Variants in GRM7 observed in about 807,000 individuals in gnomAD.
The protein encoded by GRM7 is glutamate metabotropic receptor 7, also known as metabotropic glutamate receptor 7.
GRM7 carries 35 observed loss-of-function variants against 84.5 expected under a neutral mutation model. That is an observed-to-expected ratio of 0.41 (90% CI 0.32 to 0.55). The LOEUF (loss-of-function observed/expected upper bound fraction) is 0.55. Ranked by LOEUF, GRM7 falls within the 20% of genes least tolerant of loss-of-function variation. GRM7 has a pLI of 0.19. For synonymous variants in GRM7, 487 were observed against 455.1 expected (o/e 1.07, Z -0.89); for missense variants, 1,003 against 1,194.6 (o/e 0.84, Z 2.36).
chr3:7,136,971 T>G (rs1009215072), intron 1 of GRM7, among the ~76,000 whole-genome samples: 1 of 152,140 alleles, frequency 6.6e-6, no homozygotes, highest in Admixed American at 6.6e-5. Flanking sequence ...TTCCTCTAAA[T>G]TCACTGTGCT....
chr3:7,547,225 G>A (rs1389329510), intron 7 of GRM7, among the ~76,000 whole-genome samples: 2 of 32,252 alleles, frequency 6.2e-5, no homozygotes, highest in Admixed American at 3.5e-4. Flanking sequence ...TTTTTTTTTT[G>A]AGACGGAGTC....
At chr3:7,106,516 AATGAATGGGATGCCT>A (rs1692647053) in intron 1 of GRM7, among the ~76,000 whole-genome samples, 1 of 152,006 alleles carries the variant, frequency 6.6e-6, no homozygotes, top group South Asian at 2.1e-4. Context: ...AACAGCTTCA[AATGAATGGGATGCCT>A]ATGCACTTCC....
At chr3:7,592,806 T>C (rs1695858850) in intron 8 of GRM7, among the ~76,000 whole-genome samples, 1 of 152,218 alleles carries the variant, frequency 6.6e-6, no homozygotes, top group Non-Finnish European at 1.5e-5. Flanking sequence ...CCGAGAAACC[T>C]TCACTTTCCT....
intron 5 of GRM7, among the ~76,000 whole-genome samples, chr3:7,440,112 A>G (rs1443424632): frequency 1.3e-5 from 2 of 152,212 alleles, no homozygotes; most frequent in Non-Finnish European, 2.9e-5. Flanking sequence ...CTTAGCAGAT[A>G]CAGGATCAGA....
chr3:7,655,861 C>G (rs1699157589), intron 8 of GRM7, among the ~76,000 whole-genome samples: 1 of 152,050 alleles, frequency 6.6e-6, no homozygotes, highest in Admixed American at 6.6e-5. Flanking sequence ...GTGGAAAAAC[C>G]CAAAATAAAT....
intron 8 of GRM7, among the ~76,000 whole-genome samples, chr3:7,665,371 T>C (rs568090463): frequency 6.6e-6 from 1 of 152,022 alleles, no homozygotes; most frequent in South Asian, 2.1e-4. Flanking sequence ...GAGACGGGGT[T>C]TCACCGTGTT....
intron 9 of GRM7, among the ~76,000 whole-genome samples, chr3:7,710,822 C>G (rs181020011): frequency 1.3e-5 from 2 of 152,182 alleles, no homozygotes; most frequent in African/African-American, 2.4e-5. Flanking sequence ...ATCTTCACCC[C>G]ATCATGTGAA....
chr3:6,961,381 C>T (rs1165236609), intron 1 of GRM7, among the ~76,000 whole-genome samples: 1 of 152,130 alleles, frequency 6.6e-6, no homozygotes, highest in African/African-American at 2.4e-5. Context: ...AACTCCTTTG[C>T]CTCTTCTCCA....
At chr3:7,461,804 T>C (rs1698260511) in intron 7 of GRM7, 82 bp downstream of exon 7, 9 of 1,353,036 alleles carry the variant, frequency 6.7e-6, no homozygotes, top group Non-Finnish European at 9.4e-6. Flanking sequence ...AAATGTTTCT[T>C]GTTTAATGTT....
chr3:7,585,798 A>G (rs532410380), intron 8 of GRM7, among the ~76,000 whole-genome samples: 23 of 152,282 alleles, frequency 1.5e-4, no homozygotes, highest in African/African-American at 5.3e-4. Flanking sequence ...ATCAGAGACC[A>G]TCTCTCATTT....
At chr3:7,358,019 T>C (rs1476996669) in intron 4 of GRM7, among the ~76,000 whole-genome samples, 3 of 152,102 alleles carry the variant, frequency 2.0e-5, no homozygotes, top group Non-Finnish European at 4.4e-5. Flanking sequence ...AGCAACATAA[T>C]ATTTTGCTAC....
intron 4 of GRM7, among the ~76,000 whole-genome samples, chr3:7,314,169 C>T (rs1387664684): frequency 6.6e-6 from 1 of 152,048 alleles, no homozygotes; most frequent in African/African-American, 2.4e-5. Context: ...AGCTTAAAAT[C>T]TTGAATTTCA....
chr3:7,632,399 A>G (rs1697896917), intron 8 of GRM7, among the ~76,000 whole-genome samples: 1 of 152,300 alleles, frequency 6.6e-6, no homozygotes, highest in Non-Finnish European at 1.5e-5. Flanking sequence ...CACAAAAAGT[A>G]AAGGAATAAA....
At chr3:7,707,085 C>T (rs1701416027) in intron 9 of GRM7, among the ~76,000 whole-genome samples, 2 of 152,102 alleles carry the variant, frequency 1.3e-5, no homozygotes, top group Admixed American at 1.3e-4. Flanking sequence ...AAATATGCTA[C>T]TTTTCTCATA....
intron 8 of GRM7, among the ~76,000 whole-genome samples, chr3:7,660,289 A>C (rs531204228): frequency 4.1e-4 from 63 of 152,286 alleles, no homozygotes; most frequent in African/African-American, 1.5e-3. Context: ...AGATGCATTC[A>C]CATGCCTATA....
At chr3:7,497,434 G>C (rs892882868) in intron 7 of GRM7, among the ~76,000 whole-genome samples, 4 of 152,078 alleles carry the variant, frequency 2.6e-5, no homozygotes, top group African/African-American at 4.8e-5. Context: ...AAAGCAACTG[G>C]TTTTGATCCT....
At position 7,447,531 on chromosome 3, in the gene GRM7, C is replaced by G. The variant is rs549885428; in HGVS notation, c.1175-5076C>G. Among the ~76,000 whole-genome samples, 3 of 152,226 alleles carry G rather than the reference C, an allele frequency of 2.0e-5. No individual in the cohort carries two copies. The South Asian group carries it at 6.2e-4, about 32-fold the overall frequency. On this transcript the variant is annotated intron_variant, in intron 5 of 9. Coordinates refer to ENST00000357716, the MANE Select transcript of GRM7 (RefSeq NM_000844.4). ...GGTGATTTCAAGCTTGGCTAACTCA[C>G]AGCTCAGTTGCATTTTCACTTCCCT...
intron 4 of GRM7, among the ~76,000 whole-genome samples, chr3:7,352,057 C>CCACA (rs56873432): frequency 0.1 from 13,953 of 136,784 alleles, 749 homozygotes; most frequent in Middle Eastern, 0.12. Flanking sequence ...CACACACACA[C>CCACA]CACACACACA....
chr3:7,618,068 T>C (rs1369387662), intron 8 of GRM7, among the ~76,000 whole-genome samples: 1 of 152,110 alleles, frequency 6.6e-6, no homozygotes, highest in Non-Finnish European at 1.5e-5. Context: ...TTATTGAAGA[T>C]AAGAGCTAAC....
Sources: gnomAD v4.1 joint callset for allele counts (sites outside exome capture counted in the v4.1 genomes callset) on GRCh38, gnomAD v4.1.1 for gene constraint, MANE v1.5 for transcripts, NCBI Gene and HGNC (gene_info 2026-07-23, HGNC 2026-07-21) for gene names.